PIK3CB: variants seen among roughly 807,000 people sequenced by gnomAD.
PIK3CB encodes phosphatidylinositol-4,5-bisphosphate 3-kinase catalytic subunit beta.
A neutral mutation model predicts 136.8 loss-of-function variants in PIK3CB; 39 were observed. The observed-to-expected ratio is 0.29, with a 90% confidence interval of 0.22 to 0.37. The LOEUF (loss-of-function observed/expected upper bound fraction) is 0.37. PIK3CB is among the 10% of genes least tolerant of loss of function. The pLI is 1.00. For missense variants in PIK3CB, 868 were observed against 1,275.4 expected, an observed-to-expected ratio of 0.68 and a Z score of 4.87; for synonymous variants, 428 against 436.6, an observed-to-expected ratio of 0.98 and a Z score of 0.25.
chr3:138,691,280 A>T (rs2044002513), intron 14 of PIK3CB, 137 bp from the exon 15 acceptor site: 1 of 695,898 alleles, frequency 1.4e-6, no homozygotes, highest in African/African-American at 1.8e-5. Context: ...GCTTTCCTTC[A>T]CTGTACCACT....
rs2043951174 is a variant in PIK3CB at position 138,688,899 on chromosome 3, C to T, written c.2112G>A (p.Gly704=). ...ILEAYCRGSV[G]HMKVLSKQVE... is the part of the protein sequence containing the mutation. ...CCTGCTTAGAAAGCACTTTCATGTG[C>T]CCCACACTTCCCCGGCAGTATGCTT... The change falls in exon 16 of 24, where the codon GGG becomes GGA. Residue 704 remains glycine (G), a synonymous_variant. Transcript: ENST00000674063. 4 of 1,612,406 alleles carry T rather than the reference C, an allele frequency of 2.5e-6. No homozygotes were observed. The African/African-American group carries it at 5.3e-5, about 22-fold the overall frequency.
At chr3:138,775,865 C>T (rs193172210) in intron 2 of PIK3CB, among the ~76,000 whole-genome samples, 4 of 149,982 alleles carry the variant, frequency 2.7e-5, no homozygotes, top group Non-Finnish European at 5.9e-5. Flanking sequence ...AATTATATTT[C>T]GTTTCAAAAC....
At chr3:138,803,217 T>C (rs1198546678) in intron 1 of PIK3CB, among the ~76,000 whole-genome samples, 2 of 152,194 alleles carry the variant, frequency 1.3e-5, no homozygotes, top group African/African-American at 2.4e-5. Context: ...CCACTGTTTT[T>C]AAAAAGGTTG....
At chr3:138,795,491 C>T (rs1171286036) in intron 2 of PIK3CB, among the ~76,000 whole-genome samples, 2 of 151,802 alleles carry the variant, frequency 1.3e-5, no homozygotes, top group East Asian at 1.9e-4. Flanking sequence ...ATTAGCTGGG[C>T]GAGGTGGCAC....
chr3:138,784,710 C>T (rs62282166), intron 2 of PIK3CB, among the ~76,000 whole-genome samples: 3 of 152,212 alleles, frequency 2.0e-5, no homozygotes, highest in Non-Finnish European at 2.9e-5. Context: ...GGATTGCAGA[C>T]GGAGTCTCGC....
chr3:138,824,945 C>A (rs1043269928), intron 1 of PIK3CB: 1 of 167,740 alleles, frequency 6.0e-6, no homozygotes, highest in Non-Finnish European at 1.3e-5. Context: ...CATGCCTGTA[C>A]TCCCAGCTAC....
chr3:138,745,292 G>A (rs917907718), intron 4 of PIK3CB, among the ~76,000 whole-genome samples: 3 of 151,928 alleles, frequency 2.0e-5, no homozygotes, highest in African/African-American at 7.2e-5. Flanking sequence ...GTTCTGGGTG[G>A]CCACGGGCAT....
At chr3:138,755,560 CA>C (rs2045549934) in intron 4 of PIK3CB, among the ~76,000 whole-genome samples, 193 bp downstream of exon 4, 1 of 152,088 alleles carries the variant, frequency 6.6e-6, no homozygotes, top group Non-Finnish European at 1.5e-5. Context: ...ATGGCAATAT[CA>C]TATTGCTAAA....
chr3:138,691,264 T>C lies in PIK3CB; in HGVS notation c.1893-121A>G. 7.1e-6 allele frequency: 6 copies of C among 845,098 alleles called. No homozygotes were observed. In the South Asian group the frequency reaches 9.1e-5, roughly 13 times the overall value. 52.3% of individuals were successfully genotyped at this position (845,098 alleles called of 1,614,324 possible). ...CAATGGTTCTTTTGGGCCAGGCTTG[T>C]TACATGCTTTCCTTCACTGTACCAC... On this transcript the variant is annotated intron_variant, in intron 14 of 23. Transcript: ENST00000674063.
chr3:138,683,508 G>GA (rs879843599), intron 18 of PIK3CB, among the ~76,000 whole-genome samples, 170 bp downstream of exon 18: 3 of 150,156 alleles, frequency 2.0e-5, no homozygotes, highest in Admixed American at 6.7e-5. Flanking sequence ...ATAAGAGGGG[G>GA]AAAAAAAAAG....
rs2108380248 is a variant in PIK3CB at position 138,655,311 on chromosome 3, G to A, written c.*78C>T. The A allele has an allele frequency of 1.5e-6, 2 of 1,371,030 alleles. No homozygotes were observed. Among genetic ancestry groups the A allele is most frequent in the Non-Finnish European group, 2.1e-6 (2 of 970,228 alleles). 84.9% of individuals were successfully genotyped at this position (1,371,030 alleles called of 1,614,324 possible). Reference sequence around the variant, plus strand: ...ATTCCCTTTATAACATCTCTAACAGGGTCATGTTCAATTTAGTGCAAGTGC... The same window carrying A: ...ATTCCCTTTATAACATCTCTAACAGAGTCATGTTCAATTTAGTGCAAGTGC... On this transcript the variant is annotated 3_prime_UTR_variant, in exon 24 of 24. Transcript: ENST00000674063.
At chr3:138,757,823 G>T (rs148983580) in intron 3 of PIK3CB, among the ~76,000 whole-genome samples, 63 of 152,294 alleles carry the variant, frequency 4.1e-4, no homozygotes, top group African/African-American at 1.5e-3. Context: ...ACATTATATG[G>T]TGCAGCCACT....
intron 1 of PIK3CB, among the ~76,000 whole-genome samples, chr3:138,831,124 A>AC (rs1022707153): frequency 1.1e-4 from 17 of 147,874 alleles, no homozygotes; most frequent in Non-Finnish European, 2.1e-4. Context: ...CTACTAAAAA[A>AC]AAAATACAAA....
intron 19 of PIK3CB, among the ~76,000 whole-genome samples, chr3:138,667,439 AGGAG>A (rs1310688786): frequency 2.6e-5 from 4 of 152,030 alleles, no homozygotes; most frequent in Non-Finnish European, 5.9e-5. Context: ...TGTTGTGGGG[AGGAG>A]GGAGTATATG....
rs1559835989 is a variant in PIK3CB at position 138,714,675 on chromosome 3, A to G, written c.1095T>C (p.Cys365=). Residue 365 remains cysteine (C), a synonymous_variant, in exon 9 of 24, where the codon TGT becomes TGC. Coordinates refer to ENST00000674063, the MANE Select transcript of PIK3CB (RefSeq NM_006219.3). The part of the protein sequence containing the change: ...AGLFHGTELL[C]KTIVSSEVSG... ...ATACCTCTGAGCTTACGATGGTTTT[A>G]CACAGGAGCTCAGTACCATGAAAAA... The G allele has an allele frequency of 6.2e-7, 1 of 1,613,158 alleles. No homozygotes were observed. Among genetic ancestry groups the G allele is most frequent in the Non-Finnish European group, 8.5e-7 (1 of 1,179,160 alleles).
At chr3:138,799,741 G>A (rs920080370) in intron 1 of PIK3CB, among the ~76,000 whole-genome samples, 2 of 152,064 alleles carry the variant, frequency 1.3e-5, no homozygotes, top group Admixed American at 1.3e-4. Flanking sequence ...GCAGCAGCAT[G>A]ATCACGGTTC....
At chr3:138,733,650 A>C (rs1490842238) in intron 7 of PIK3CB, among the ~76,000 whole-genome samples, 1 of 152,090 alleles carries the variant, frequency 6.6e-6, no homozygotes, top group African/African-American at 2.4e-5. Context: ...AGGCTGAGGC[A>C]GGTGGATCAT....
chr3:138,747,676 T>C (rs1181284307), intron 4 of PIK3CB, among the ~76,000 whole-genome samples: 2 of 152,246 alleles, frequency 1.3e-5, no homozygotes, highest in Non-Finnish European at 2.9e-5. Flanking sequence ...TGGTAGTAAA[T>C]GATACATACA....
chr3:138,750,138 C>G (rs970958542), intron 4 of PIK3CB, among the ~76,000 whole-genome samples: 1 of 152,136 alleles, frequency 6.6e-6, no homozygotes, highest in Admixed American at 6.5e-5. Context: ...CTTATCCTCC[C>G]AAAGTACTGG....
Sources: gnomAD v4.1 joint callset for allele counts (sites outside exome capture counted in the v4.1 genomes callset) on GRCh38, gnomAD v4.1.1 for gene constraint, MANE v1.5 for transcripts, NCBI Gene and HGNC (gene_info 2026-07-23, HGNC 2026-07-21) for gene names.